The following ARID5B variants were observed in gnomAD, a reference collection of about 807,000 sequenced individuals.
The protein encoded by ARID5B is AT-rich interaction domain 5B.
A neutral mutation model predicts 97.2 loss-of-function variants in ARID5B; 13 were observed. The observed-to-expected ratio is 0.13, with a 90% CI of 0.09 to 0.21. The LOEUF is 0.21. Ranked by LOEUF, ARID5B falls within the 10% of genes least tolerant of loss-of-function variation. The pLI, the probability that ARID5B is intolerant of heterozygous loss-of-function variation, is 1.00. For missense variants in ARID5B, 1,210 were observed against 1,465.3 expected, an observed-to-expected ratio of 0.83 and a Z score of 2.84; for synonymous variants, 556 against 570.3, an observed-to-expected ratio of 0.97 and a Z score of 0.36.
chr10:62,095,907 G>A lies in ARID5B; in HGVS notation c.*2877G>A. ...AGTCATAAATCTATTTACTGAGTGT[G>A]GCTTCCAAGAAATGTTGCAATTCAA... is the stretch of plus-strand genomic sequence containing the variant. On this transcript the variant is annotated 3_prime_UTR_variant, in exon 10 of 10. Coordinates refer to ENST00000279873, the MANE Select transcript of ARID5B (RefSeq NM_032199.3). 1 of 230,656 alleles carries A rather than the reference G, an allele frequency of 4.3e-6. No individual in the cohort carries two copies. Among genetic ancestry groups the A allele is most frequent in the East Asian group, 6.2e-5 (1 of 16,152 alleles). The allele number at this position is 230,656 out of a possible 1,614,324, so 14.3% of individuals were successfully genotyped here.
rs143707580 is a variant in ARID5B, at chr10:62,093,704, A to C, written c.*674A>C. ...ATTAAATGGTATTGCTTTTGTTTGCAGGTCTTTTTGTTTTTGTTTTGTTTT... is the reference window on the plus strand; with the variant it reads ...ATTAAATGGTATTGCTTTTGTTTGCCGGTCTTTTTGTTTTTGTTTTGTTTT... On this transcript the variant is annotated 3_prime_UTR_variant, in exon 10 of 10. Transcript: ENST00000279873. 20 of 103,700 alleles carry C rather than the reference A, an allele frequency of 1.9e-4. No homozygotes were observed. Among genetic ancestry groups the C allele is most frequent in the African/African-American group, 1.2e-3 (18 of 15,302 alleles). The allele number at this position is 103,700 out of a possible 1,614,324, so 6.4% of individuals were successfully genotyped here.
chr10:62,015,369 T>C (rs1386353793), intron 4 of ARID5B, among the ~76,000 whole-genome samples: 2 of 152,228 alleles, frequency 1.3e-5, no homozygotes, highest in Non-Finnish European at 2.9e-5. Context: ...ACAGCTGCTT[T>C]AGTGGAGCTG....
intron 4 of ARID5B, among the ~76,000 whole-genome samples, chr10:62,034,314 T>G (rs1839534080): frequency 6.6e-6 from 1 of 152,238 alleles, no homozygotes; most frequent in Non-Finnish European, 1.5e-5. Context: ...TGTATTTTCT[T>G]CTCAATTGTC....
intron 4 of ARID5B, among the ~76,000 whole-genome samples, chr10:62,022,544 T>G (rs1203772600): frequency 6.6e-6 from 1 of 152,218 alleles, no homozygotes; most frequent in Admixed American, 6.5e-5. Context: ...CATCTCACTT[T>G]GCTGTGTTGC....
rs114588703 is a variant in ARID5B, at chr10:62,058,736, G to T, written c.1049-507G>T. ...TACTCACTGCCAGCCACCACATGTT[G>T]GTGAAATACTGTATGAACCTTTAAT... On this transcript the variant is annotated intron_variant, in intron 6 of 9. Coordinates refer to ENST00000279873, the MANE Select transcript of ARID5B (RefSeq NM_032199.3). Among the ~76,000 whole-genome samples the T allele has an allele frequency of 3.5e-3, 526 of 152,228 alleles. 2 individuals are homozygous for T. The highest frequency in any genetic ancestry group is 0.011 in the African/African-American group (471 of 41,548).
At chr10:61,912,751 T>C (rs1843828484) in intron 2 of ARID5B, among the ~76,000 whole-genome samples, 1 of 144,434 alleles carries the variant, frequency 6.9e-6, no homozygotes, top group South Asian at 2.2e-4. Context: ...ACATTACACA[T>C]ATATACATAC....
chr10:61,909,138 C>T (rs945469274), intron 2 of ARID5B, among the ~76,000 whole-genome samples: 1 of 152,052 alleles, frequency 6.6e-6, no homozygotes, highest in African/African-American at 2.4e-5. Context: ...GCTTATAGTC[C>T]AGTGGTTGGT....
intron 4 of ARID5B, among the ~76,000 whole-genome samples, chr10:62,012,234 G>A (rs553583054): frequency 6.6e-6 from 1 of 152,176 alleles, no homozygotes; most frequent in South Asian, 2.1e-4. Context: ...CACTTCACAG[G>A]GGAGGAAAGA....
intron 2 of ARID5B, among the ~76,000 whole-genome samples, chr10:61,915,910 C>T (rs538099404): frequency 1.6e-4 from 24 of 152,314 alleles, no homozygotes; most frequent in African/African-American, 5.5e-4. Flanking sequence ...TGCCCACCAC[C>T]ATGCCTGGCT....
intron 2 of ARID5B, among the ~76,000 whole-genome samples, chr10:61,919,039 C>T (rs1166299838): frequency 1.1e-4 from 3 of 26,732 alleles, no homozygotes; most frequent in East Asian, 1.7e-3. Context: ...GACTCCGTCC[C>T]CCCCCCCCCC....
At chr10:61,916,499 T>C (rs1171198469) in intron 2 of ARID5B, among the ~76,000 whole-genome samples, 7 of 152,196 alleles carry the variant, frequency 4.6e-5, no homozygotes, top group Admixed American at 4.6e-4. Context: ...CCTGACAGAT[T>C]AATATGTGAC....
At chr10:62,057,342 T>C in intron 6 of ARID5B, 24 bp downstream of exon 6, 1 of 1,601,488 alleles carries the variant, frequency 6.2e-7, no homozygotes, top group Non-Finnish European at 8.5e-7. Flanking sequence ...TTTTCGTTTC[T>C]GAATTATCAG....
intron 4 of ARID5B, among the ~76,000 whole-genome samples, chr10:62,017,528 C>G (rs1187162339): frequency 6.7e-6 from 1 of 148,750 alleles, no homozygotes; most frequent in African/African-American, 2.5e-5. Flanking sequence ...TTTAGGAATT[C>G]TGAGTCAGGC....
intron 4 of ARID5B, among the ~76,000 whole-genome samples, chr10:62,008,098 ACT>A (rs1401566379): frequency 9.8e-5 from 13 of 132,480 alleles, no homozygotes; most frequent in African/African-American, 2.9e-4. Context: ...ACACACACAC[ACT>A]GCCACATAAG....
intron 2 of ARID5B, among the ~76,000 whole-genome samples, chr10:61,918,907 A>C (rs1211340889): frequency 1.3e-5 from 2 of 151,888 alleles, no homozygotes; most frequent in African/African-American, 4.8e-5. Flanking sequence ...GGTGGCATGC[A>C]CCTGTAATCC....
At chr10:61,943,138 G>A (rs1844441772) in intron 3 of ARID5B, among the ~76,000 whole-genome samples, 1 of 152,192 alleles carries the variant, frequency 6.6e-6, no homozygotes. Context: ...TTAATGTAAT[G>A]AGTTTCCATT....
intron 4 of ARID5B, among the ~76,000 whole-genome samples, chr10:62,015,539 C>G (rs916495505): frequency 1.3e-5 from 2 of 152,188 alleles, no homozygotes; most frequent in African/African-American, 4.8e-5. Context: ...CAGCAGTGCT[C>G]CTATGGGGGA....
At chr10:61,913,486 C>T (rs1256960318) in intron 2 of ARID5B, among the ~76,000 whole-genome samples, 3 of 152,202 alleles carry the variant, frequency 2.0e-5, no homozygotes, top group Non-Finnish European at 4.4e-5. Context: ...TGGGCATGTC[C>T]TCAGAACTAG....
At chr10:61,926,400 A>G (rs1439986522) in intron 2 of ARID5B, among the ~76,000 whole-genome samples, 1 of 151,908 alleles carries the variant, frequency 6.6e-6, no homozygotes, top group African/African-American at 2.4e-5. Context: ...TTCTGGTTCC[A>G]CTTCAGTTTT....
Sources: allele counts gnomAD v4.1 joint callset (sites outside exome capture counted in the v4.1 genomes callset), GRCh38; gene constraint gnomAD v4.1.1; transcripts MANE v1.5; gene names NCBI Gene and HGNC (gene_info 2026-07-23, HGNC 2026-07-21).